The following TCEA1 variants were observed in gnomAD, a reference collection of about 807,000 sequenced individuals.
TCEA1 encodes the protein transcription elongation factor A protein 1.
A neutral mutation model predicts 43.8 loss-of-function variants in TCEA1; 21 were observed. The observed-to-expected ratio is 0.48, with a 90% CI of 0.34 to 0.69. The LOEUF (loss-of-function observed/expected upper bound fraction) is 0.69. Ranked by LOEUF, TCEA1 falls within the 30% of genes least tolerant of loss-of-function variation. The pLI is 0.01. For missense variants in TCEA1, 250 were observed against 365.1 expected (o/e 0.68, Z 2.57); for synonymous variants, 104 against 117.5 (o/e 0.88, Z 0.75).
intron 7 of TCEA1, among the ~76,000 whole-genome samples, chr8:53,981,709 C>T (rs1230502078): frequency 6.6e-6 from 1 of 151,552 alleles, no homozygotes. Context: ...TGCCTGCTAA[C>T]AACAACATTG....
rs956077118 is a variant in TCEA1, at chr8:54,021,958, G to C, written c.63+105C>G. ...GGCGCGGCGGGCCCGGCTCCCAGAC[G>C]GGAGGCTGCAGGGGGAGGGGAGGGA... is the stretch of plus-strand genomic sequence containing the variant. On this transcript the variant is annotated intron_variant, in intron 1 of 9. Transcript: ENST00000521604. 24 of 1,165,856 alleles carry C rather than the reference G, an allele frequency of 2.1e-5. No homozygotes were observed. The South Asian group carries it at 3.9e-4, about 19-fold the overall frequency. 72.2% of individuals were successfully genotyped at this position (1,165,856 alleles called of 1,614,324 possible).
At chr8:54,007,078 G>C (rs7018355) in intron 2 of TCEA1, among the ~76,000 whole-genome samples, 19,163 of 152,080 alleles carry the variant, frequency 0.13, 3,187 homozygotes, top group African/African-American at 0.39. Context: ...CTGAGCTCAA[G>C]TGATCCACCC....
At chr8:54,011,640 C>CA (rs374684441) in intron 1 of TCEA1, among the ~76,000 whole-genome samples, 68 of 152,154 alleles carry the variant, frequency 4.5e-4, no homozygotes, top group African/African-American at 1.2e-3. Context: ...GCTATCCCCC[C>CA]AAAAAAACAG....
chr8:53,972,530 G>A (rs1216079371), intron 8 of TCEA1: 3 of 543,306 alleles, frequency 5.5e-6, no homozygotes, highest in Non-Finnish European at 1.1e-5. Context: ...ACATGGACTG[G>A]GATAGATTAA....
At chr8:53,975,081 A>T (rs1309519968) in intron 8 of TCEA1, among the ~76,000 whole-genome samples, 5 of 151,594 alleles carry the variant, frequency 3.3e-5, no homozygotes, top group African/African-American at 1.2e-4. Context: ...AAAGAGCAAA[A>T]TATTTTTATT....
intron 3 of TCEA1, among the ~76,000 whole-genome samples, chr8:53,994,808 T>A (rs556603632): frequency 1.3e-5 from 2 of 150,276 alleles, no homozygotes; most frequent in African/African-American, 2.5e-5. Flanking sequence ...GAGGCGGAGG[T>A]TGCAGTGAGC....
At chr8:53,971,121 T>C (rs1803143060) in intron 8 of TCEA1, 1 of 152,190 alleles carries the variant, frequency 6.6e-6, no homozygotes, top group Non-Finnish European at 1.5e-5. Flanking sequence ...ACACAGCCAG[T>C]AAGATGCTTA....
chr8:53,974,939 C>T (rs1159486440), intron 8 of TCEA1, among the ~76,000 whole-genome samples: 1 of 151,802 alleles, frequency 6.6e-6, no homozygotes, highest in Non-Finnish European at 1.5e-5. Flanking sequence ...ATATATAATA[C>T]ATTAATTTCT....
At chr8:53,972,994 G>A in intron 8 of TCEA1, 2 of 670,072 alleles carry the variant, frequency 3.0e-6, no homozygotes, top group South Asian at 1.4e-5. Flanking sequence ...AATCACTTGG[G>A]ATGAGACTGA....
At chr8:53,984,540 A>T in intron 6 of TCEA1, 23 bp from the exon 7 acceptor site, 1 of 1,527,112 alleles carries the variant, frequency 6.5e-7, no homozygotes, top group African/African-American at 1.4e-5. Flanking sequence ...TAAGGAAAAA[A>T]GGCAAAATTA....
Position 54,022,085 on chromosome 8 carries a change from T to C in TCEA1, c.41A>G (p.Lys14Arg). ...EVVRFAKKMD[K>R]MVQKKNAAGA... The stretch of plus-strand genomic sequence containing the variant: ...CACCGCGTTCTTCTTCTGCACCATC[T>C]TGTCCATCTTCTTGGCAAAGCGGAC... Residue 14 changes from lysine (K) to arginine (R), a missense_variant, in exon 1 of 10, where the codon AAG becomes AGG. By Grantham distance (26) the Lys-to-Arg change is conservative. Transcript: ENST00000521604. The C allele has an allele frequency of 1.3e-6, 2 of 1,518,110 alleles. No homozygotes were observed. The highest frequency in any genetic ancestry group is 1.8e-6 in the Non-Finnish European group (2 of 1,120,752). The allele number at this position is 1,518,110 out of a possible 1,614,324, so 94.0% of individuals were successfully genotyped here. A position where few individuals can be genotyped will look rare whatever the true frequency, so the allele number is the denominator to read the frequency against.
intron 8 of TCEA1, chr8:53,978,715 A>G: frequency 4.4e-6 from 1 of 227,970 alleles, no homozygotes; most frequent in Non-Finnish European, 8.8e-6. Context: ...AGACAGAAAG[A>G]CTACACTCAT....
intron 7 of TCEA1, among the ~76,000 whole-genome samples, chr8:53,983,395 G>GA (rs1225819953): frequency 1.3e-5 from 2 of 152,172 alleles, no homozygotes; most frequent in Admixed American, 1.3e-4. Flanking sequence ...CTAAAACGTT[G>GA]AAATTGTAGA....
chr8:54,017,588 C>T (rs1291221560), intron 1 of TCEA1, among the ~76,000 whole-genome samples: 1 of 152,194 alleles, frequency 6.6e-6, no homozygotes, highest in Admixed American at 6.5e-5. Flanking sequence ...AGTTCTAGAT[C>T]AGCCTGGGCA....
rs139275016 is a variant in TCEA1 at position 54,002,260 on chromosome 8, G to A, written c.127-2210C>T. ...GCCGAGGTGGGTGGATCACGAGGTC[G>A]GGAGATTAAGACCATCCTGGCTGAC... On this transcript the variant is annotated intron_variant, in intron 2 of 9. Coordinates refer to ENST00000521604, the MANE Select transcript of TCEA1 (RefSeq NM_006756.4). 9.7e-3 allele frequency among the ~76,000 whole-genome samples: 1,462 copies of A among 151,402 alleles called. 12 individuals are homozygous for A. Among genetic ancestry groups the A allele is most frequent in the Middle Eastern group, 0.017 (5 of 292 alleles).
At chr8:54,014,778 T>C (rs1313089142) in intron 1 of TCEA1, among the ~76,000 whole-genome samples, 1 of 152,216 alleles carries the variant, frequency 6.6e-6, no homozygotes, top group African/African-American at 2.4e-5. Flanking sequence ...GAATATGGTG[T>C]ACATATATGA....
At chr8:53,984,543 C>CA in intron 6 of TCEA1, 26 bp from the exon 7 acceptor site, 1 of 1,515,842 alleles carries the variant, frequency 6.6e-7, no homozygotes, top group Non-Finnish European at 8.8e-7. Flanking sequence ...GGAAAAAAGG[C>CA]AAAATTACAA....
chr8:54,009,032 T>G (rs1259649358), intron 2 of TCEA1, among the ~76,000 whole-genome samples: 1 of 151,772 alleles, frequency 6.6e-6, no homozygotes, highest in Non-Finnish European at 1.5e-5. Context: ...GTATTTTTAG[T>G]AGTGACGGTG....
Position 53,993,698 on chromosome 8 carries a change from G to C in TCEA1, c.290C>G (p.Ser97Trp). ...TTCTCTTGCCTCAGGGCTGTTCTGC[G>C]ATGTAATTGCAGGTTCTTTCTTCTT... is the stretch of plus-strand genomic sequence containing the variant. Reference protein sequence around the residue: ...DEKKKEPAITSQNSPEAREES... With the variant: ...DEKKKEPAITWQNSPEAREES... Residue 97 changes from serine to tryptophan, a missense_variant, in exon 4 of 10, where the codon TCG (serine) becomes TGG (tryptophan). By Grantham distance (177) the Ser-to-Trp change is radical. Transcript: ENST00000521604. 3.7e-6 allele frequency: 6 copies of C among 1,613,622 alleles called. No homozygotes were observed. The highest frequency in any genetic ancestry group is 5.1e-6 in the Non-Finnish European group (6 of 1,179,686).
Sources: allele counts gnomAD v4.1 joint callset (sites outside exome capture counted in the v4.1 genomes callset), GRCh38; gene constraint gnomAD v4.1.1; transcripts MANE v1.5; gene names NCBI Gene and HGNC (gene_info 2026-07-23, HGNC 2026-07-21).